The following ROBO2 variants were observed in gnomAD, a reference collection of about 807,000 sequenced individuals.
ROBO2 encodes the protein roundabout homolog 2.
A neutral mutation model predicts 160.8 loss-of-function variants in ROBO2; 53 were observed. The ratio of observed to expected loss-of-function variants is 0.33; its 90% CI spans 0.26 to 0.41. ROBO2 has a LOEUF of 0.41. Ranked by LOEUF, ROBO2 falls within the 10% of genes least tolerant of loss-of-function variation. ROBO2 has a pLI of 1.00. For missense variants in ROBO2, 1,577 were observed against 1,722.4 expected, an observed-to-expected ratio of 0.92 and a Z score of 1.49; for synonymous variants, 664 against 611.7, an observed-to-expected ratio of 1.09 and a Z score of -1.26.
intron 2 of ROBO2, among the ~76,000 whole-genome samples, chr3:76,479,512 A>G (rs773854097): frequency 2.0e-5 from 3 of 152,184 alleles, no homozygotes; most frequent in Non-Finnish European, 4.4e-5. Flanking sequence ...TGCTGCCTGC[A>G]TGGCTGGCTC....
intron 1 of ROBO2, among the ~76,000 whole-genome samples, chr3:77,055,674 T>C (rs1171669428): frequency 2.0e-5 from 3 of 152,180 alleles, no homozygotes. Flanking sequence ...ATAACTTGTG[T>C]GAAATAAATG....
At chr3:76,967,673 T>C (rs2059374638) in intron 2 of ROBO2, among the ~76,000 whole-genome samples, 1 of 151,538 alleles carries the variant, frequency 6.6e-6, no homozygotes, top group South Asian at 2.1e-4. Flanking sequence ...AGGCACTCTC[T>C]ACCACACCTA....
intron 2 of ROBO2, among the ~76,000 whole-genome samples, chr3:77,264,268 A>G (rs903865261): frequency 6.6e-6 from 1 of 152,220 alleles, no homozygotes; most frequent in Non-Finnish European, 1.5e-5. Context: ...ATCTAGGTAA[A>G]AACTTAAAAA....
intron 2 of ROBO2, among the ~76,000 whole-genome samples, chr3:77,399,678 A>C (rs1447317082): frequency 6.6e-6 from 1 of 152,142 alleles, no homozygotes; most frequent in Non-Finnish European, 1.5e-5. Context: ...ATGGTAATAG[A>C]TATAGAGTTC....
chr3:76,743,358 G>A (rs2093833324), intron 2 of ROBO2, among the ~76,000 whole-genome samples: 2 of 152,044 alleles, frequency 1.3e-5, no homozygotes, highest in Non-Finnish European at 2.9e-5. Flanking sequence ...AGTTACCTAT[G>A]TTCACTATTT....
chr3:76,719,411 C>T (rs1241873453), intron 2 of ROBO2, among the ~76,000 whole-genome samples: 1 of 152,180 alleles, frequency 6.6e-6, no homozygotes, highest in Non-Finnish European at 1.5e-5. Flanking sequence ...TCACAGCTCA[C>T]TGCAGCCTTC....
At chr3:77,399,831 G>C (rs928115927) in intron 2 of ROBO2, among the ~76,000 whole-genome samples, 12 of 152,022 alleles carry the variant, frequency 7.9e-5, no homozygotes, top group African/African-American at 2.9e-4. Context: ...TATTATCTTT[G>C]GAAAACTGAG....
intron 2 of ROBO2, among the ~76,000 whole-genome samples, chr3:75,958,771 T>C (rs944717329): frequency 2.6e-5 from 4 of 151,734 alleles, no homozygotes; most frequent in African/African-American, 9.7e-5. Context: ...TTAGTAGACC[T>C]GTTTTCAGGC....
chr3:76,523,772 C>G (rs1452145206), intron 2 of ROBO2, among the ~76,000 whole-genome samples: 1 of 152,024 alleles, frequency 6.6e-6, no homozygotes, highest in Non-Finnish European at 1.5e-5. Context: ...GTGAGAAACG[C>G]TGGCAATGCT....
intron 2 of ROBO2, among the ~76,000 whole-genome samples, chr3:77,477,080 T>C (rs1209536884): frequency 2.6e-5 from 4 of 152,192 alleles, no homozygotes; most frequent in Admixed American, 2.6e-4. Context: ...AGTTTCTATA[T>C]AGAAAATAGA....
intron 2 of ROBO2, among the ~76,000 whole-genome samples, chr3:76,713,973 A>G (rs2093340794): frequency 6.6e-6 from 1 of 151,896 alleles, no homozygotes; most frequent in Admixed American, 6.6e-5. Flanking sequence ...AAAAAAAAAA[A>G]TGAGACTTCA....
rs1389839155 is a variant in ROBO2, at chr3:77,293,557, A to G, written c.389-183857A>G. 8.1e-5 allele frequency among the ~76,000 whole-genome samples: 12 copies of G among 147,710 alleles called. 1 individual carries two copies. Among genetic ancestry groups the G allele is most frequent in the Admixed American group, 6.8e-5 (1 of 14,784 alleles). On this transcript the variant is annotated intron_variant, in intron 2 of 25. Transcript: ENST00000461745. ...GCTGAGGCTAGAGCACTAAAGACAT[A>G]AAGTAAAATTGACGGGTAAACGGGT...
chr3:76,748,204 G>T (rs2093924078), intron 2 of ROBO2, among the ~76,000 whole-genome samples: 1 of 151,830 alleles, frequency 6.6e-6, no homozygotes, highest in African/African-American at 2.4e-5. Flanking sequence ...TTAACAGAAG[G>T]TTCTATTATT....
chr3:75,979,945 A>G (rs539753191), intron 2 of ROBO2, among the ~76,000 whole-genome samples: 73 of 151,682 alleles, frequency 4.8e-4, no homozygotes, highest in African/African-American at 1.5e-3. Context: ...AAAAATACCC[A>G]TAGGAGCCGT....
At chr3:76,030,524 A>G (rs1290246012) in intron 2 of ROBO2, among the ~76,000 whole-genome samples, 1 of 152,168 alleles carries the variant, frequency 6.6e-6, no homozygotes, top group Non-Finnish European at 1.5e-5. Context: ...TCTTTAATCC[A>G]TGTTGAATTA....
intron 2 of ROBO2, among the ~76,000 whole-genome samples, chr3:76,449,342 A>G (rs1577271707): frequency 6.6e-6 from 1 of 152,108 alleles, no homozygotes; most frequent in Non-Finnish European, 1.5e-5. Context: ...ACCATTTTAC[A>G]TACTCCACTG....
chr3:77,395,923 CT>C (rs969122587), intron 2 of ROBO2, among the ~76,000 whole-genome samples: 22 of 150,540 alleles, frequency 1.5e-4, no homozygotes, highest in South Asian at 2.1e-4. Flanking sequence ...ACCTGCCCCC[CT>C]TTTTTTTTAA....
At chr3:76,047,618 A>G (rs72892621) in intron 2 of ROBO2, among the ~76,000 whole-genome samples, 4,224 of 152,312 alleles carry the variant, frequency 0.028, 217 homozygotes, top group African/African-American at 0.096. Context: ...AGCGATAATT[A>G]TATTAAAATG....
At chr3:76,701,524 G>T (rs898684601) in intron 2 of ROBO2, among the ~76,000 whole-genome samples, 3 of 151,954 alleles carry the variant, frequency 2.0e-5, no homozygotes, top group Admixed American at 6.6e-5. Flanking sequence ...TGCTTTTACT[G>T]TTATTGATTC....
Sources: allele counts gnomAD v4.1 joint callset (sites outside exome capture counted in the v4.1 genomes callset), GRCh38; gene constraint gnomAD v4.1.1; transcripts MANE v1.5; gene names NCBI Gene and HGNC (gene_info 2026-07-23, HGNC 2026-07-21).